PLCL2: variants seen among roughly 807,000 people sequenced by gnomAD.
PLCL2 encodes inactive phospholipase C-like protein 2.
A neutral mutation model predicts 79.6 loss-of-function variants in PLCL2; 4 were observed. That is an observed-to-expected ratio of 0.05 (90% confidence interval 0.02 to 0.11). PLCL2 has a LOEUF of 0.11. Ranked by LOEUF, PLCL2 falls within the 10% of genes least tolerant of loss-of-function variation. PLCL2 has a pLI of 1.00. For missense variants in PLCL2, 895 were observed against 1,291.0 expected, an observed-to-expected ratio of 0.69 and a Z score of 4.70; for synonymous variants, 484 against 457.7, an observed-to-expected ratio of 1.06 and a Z score of -0.73.
chr3:17,016,625 A>T (rs2064387588), intron 3 of PLCL2, among the ~76,000 whole-genome samples: 1 of 152,234 alleles, frequency 6.6e-6, no homozygotes, highest in African/African-American at 2.4e-5. Context: ...ACATCAACAC[A>T]GGAAGCATGC....
At chr3:17,032,015 C>CT (rs2064588954) in intron 3 of PLCL2, among the ~76,000 whole-genome samples, 4 of 149,878 alleles carry the variant, frequency 2.7e-5, no homozygotes, top group African/African-American at 9.8e-5. Context: ...AAACTCCTTC[C>CT]ATTTTTTGAA....
chr3:17,072,496 C>T (rs894579267), intron 5 of PLCL2, among the ~76,000 whole-genome samples: 1 of 151,908 alleles, frequency 6.6e-6, no homozygotes, highest in African/African-American at 2.4e-5. Context: ...TGACGAAACC[C>T]CGTCTCTACT....
intron 1 of PLCL2, among the ~76,000 whole-genome samples, chr3:17,004,541 C>CATTTT (rs2064242159): frequency 6.6e-6 from 1 of 152,086 alleles, no homozygotes. Context: ...TTTTTCATTT[C>CATTTT]ATTTTATTTT....
At chr3:16,956,103 T>C (rs2063702356) in intron 1 of PLCL2, among the ~76,000 whole-genome samples, 1 of 152,174 alleles carries the variant, frequency 6.6e-6, no homozygotes, top group African/African-American at 2.4e-5. Flanking sequence ...GCCTGTCTTG[T>C]GCCAGTTTTC....
rs534480966 is a variant in PLCL2 at position 16,969,372 on chromosome 3, T to A, written c.328-40302T>A. ...ATTGAGCTGTGAATCTCTCTGGTCC[T>A]GGGCTTTTTCTAGTTCGTAGGCTTT... On this transcript the variant is annotated intron_variant, in intron 1 of 5. Coordinates refer to ENST00000615277, the MANE Select transcript of PLCL2 (RefSeq NM_001144382.2). 1.1e-3 allele frequency among the ~76,000 whole-genome samples: 171 copies of A among 152,254 alleles called. 1 individual carries two copies. Among genetic ancestry groups the A allele is most frequent in the African/African-American group, 3.7e-3 (154 of 41,560 alleles).
At position 16,896,411 on chromosome 3, in the gene PLCL2, C is replaced by G. The variant is rs1696481379; in HGVS notation, c.327+11045C>G. ...GCTGGGCCTGGGTGGAAAGTTGACA[C>G]ATTAGTGAAGAGTGTGTTGGTCACT... On this transcript the variant is annotated intron_variant, in intron 1 of 5. Transcript: ENST00000615277. Among the ~76,000 whole-genome samples the G allele has an allele frequency of 1.3e-5, 2 of 152,156 alleles. 1 individual carries two copies. The highest frequency in any genetic ancestry group is 4.1e-4 in the South Asian group (2 of 4,832).
Position 16,990,589 on chromosome 3 carries a change from CAGTA to C in PLCL2, c.328-19078_328-19075del, listed in dbSNP as rs143523778. ...CTCCTTTTTGCCTTTCCAGTAATTCCAGTAAGTAAGACTCGAGGACTTGTAATGT... is the reference window on the plus strand; with the variant it reads ...CTCCTTTTTGCCTTTCCAGTAATTCCAGTAAGACTCGAGGACTTGTAATGT... On this transcript the variant is annotated intron_variant, in intron 1 of 5. Coordinates refer to ENST00000615277, the MANE Select transcript of PLCL2 (RefSeq NM_001144382.2). Among the ~76,000 whole-genome samples the C allele has an allele frequency of 5.3e-5, 8 of 152,242 alleles. No individual in the cohort carries two copies. In the East Asian group the frequency reaches 9.7e-4, roughly 18 times the overall value.
intron 1 of PLCL2, among the ~76,000 whole-genome samples, chr3:16,911,460 T>C: frequency 6.6e-6 from 1 of 152,156 alleles, no homozygotes; most frequent in Non-Finnish European, 1.5e-5. Context: ...CAGAGTATCT[T>C]TAGAATTTAC....
chr3:17,011,573 A>G lies in PLCL2; in HGVS notation c.2227A>G (p.Asn743Asp). Reference sequence around the variant, plus strand: ...GGAGGAGGTCTCCTTCTTCAGCGCCAATACAAAAGACTCTGTCCCAGGGGT... The same window carrying G: ...GGAGGAGGTCTCCTTCTTCAGCGCCGATACAAAAGACTCTGTCCCAGGGGT... ...MREEVSFFSA[N>D]TKDSVPGVSP... Residue 743 changes from asparagine to aspartate, a missense_variant, in exon 2 of 6, where the codon AAT (asparagine) becomes GAT (aspartate). Asn to Asp is a conservative substitution (Grantham distance 23, BLOSUM62 1). This residue lies in a region of PLCL2 where 23 missense variants were observed against 86.9 expected (regional missense o/e 0.26). Transcript: ENST00000615277. This position sits in a 1 kb window ranked among gnomAD's most constrained non-coding sequence, Gnocchi z 7.9. 1 of 1,614,100 alleles carries G rather than the reference A, an allele frequency of 6.2e-7. No homozygotes were observed. Among genetic ancestry groups the G allele is most frequent in the Non-Finnish European group, 8.5e-7 (1 of 1,180,002 alleles).
rs140910827 is a variant in PLCL2 at position 17,015,607 on chromosome 3, A to C, written c.3018+696A>C. ...AGTTGAAGCTGTCATTGACTCTTCAACCTATCAGGGTTAAGGGTTGGTGTT... is the reference window on the plus strand; with the variant it reads ...AGTTGAAGCTGTCATTGACTCTTCACCCTATCAGGGTTAAGGGTTGGTGTT... On this transcript the variant is annotated intron_variant, in intron 3 of 5. Transcript: ENST00000615277. 4.6e-5 allele frequency among the ~76,000 whole-genome samples: 7 copies of C among 152,144 alleles called. No individual in the cohort carries two copies. The East Asian group carries it at 1.3e-3, about 29-fold the overall frequency.
intron 5 of PLCL2, among the ~76,000 whole-genome samples, chr3:17,088,433 G>A (rs1029414802): frequency 6.6e-6 from 1 of 151,974 alleles, no homozygotes; most frequent in Non-Finnish European, 1.5e-5. Context: ...AAGGGGATGG[G>A]AAAAAATAGC....
chr3:17,009,592 G>T lies in PLCL2; in HGVS notation c.328-82G>T. 1 of 711,828 alleles carries T rather than the reference G, an allele frequency of 1.4e-6. No individual in the cohort carries two copies. Among genetic ancestry groups the T allele is most frequent in the Non-Finnish European group, 2.2e-6 (1 of 447,300 alleles). The allele number at this position is 711,828 out of a possible 1,614,324, so 44.1% of individuals were successfully genotyped here. On this transcript the variant is annotated intron_variant, in intron 1 of 5. Transcript: ENST00000615277. This position sits in a 1 kb window ranked among gnomAD's most constrained non-coding sequence, Gnocchi z 4.0. ...TCTTAATAGTATGATTTTTTTCTAGGAAATTAAATTTCTATTCATAATCTT... is the reference window on the plus strand; with the variant it reads ...TCTTAATAGTATGATTTTTTTCTAGTAAATTAAATTTCTATTCATAATCTT...
intron 5 of PLCL2, among the ~76,000 whole-genome samples, chr3:17,078,231 T>C (rs1292987465): frequency 6.6e-6 from 1 of 152,194 alleles, no homozygotes; most frequent in Non-Finnish European, 1.5e-5. Flanking sequence ...GGTTATCTAT[T>C]GCTGTATAAC....
chr3:16,923,719 C>T lies in PLCL2; in HGVS notation c.327+38353C>T, dbSNP rs7625827. ...TCAAATATTCTTTCTGTGCCTTCCTCTCCTTTCATTGTGGAACTCCTATTA... is the reference window on the plus strand; with the variant it reads ...TCAAATATTCTTTCTGTGCCTTCCTTTCCTTTCATTGTGGAACTCCTATTA... On this transcript the variant is annotated intron_variant, in intron 1 of 5. Coordinates refer to ENST00000615277, the MANE Select transcript of PLCL2 (RefSeq NM_001144382.2). Among the ~76,000 whole-genome samples the T allele has an allele frequency of 7.7e-3, 1,177 of 152,234 alleles. 16 individuals are homozygous for T. The highest frequency in any genetic ancestry group is 0.027 in the African/African-American group (1,101 of 41,532).
chr3:17,035,776 C>A lies in PLCL2; in HGVS notation c.3019-7098C>A, dbSNP rs17272796. 4 of 515,206 alleles carry A rather than the reference C, an allele frequency of 7.8e-6. No homozygotes were observed. In the Admixed American group the frequency reaches 7.8e-5, roughly 10 times the overall value. 31.9% of individuals were successfully genotyped at this position (515,206 alleles called of 1,614,324 possible). ...CCATGTTTCCTTACATTCTCTAATA[C>A]GAGTTGAGGTGCCTAGAAAGCTTAA... On this transcript the variant is annotated intron_variant, in intron 3 of 5. Transcript: ENST00000615277.
At position 17,012,790 on chromosome 3, in the gene PLCL2, A is replaced by C. The variant is rs79101492; in HGVS notation, c.2814+630A>C. ...ACATATTTAATTAAGGATCGCCCAC[A>C]CATCTAGCCATACGCTAGGACCCCT... On this transcript the variant is annotated intron_variant, in intron 2 of 5. Coordinates refer to ENST00000615277, the MANE Select transcript of PLCL2 (RefSeq NM_001144382.2). Among the ~76,000 whole-genome samples, 1,500 of 152,310 alleles carry C rather than the reference A, an allele frequency of 9.8e-3. 28 individuals are homozygous for C. The highest frequency in any genetic ancestry group is 0.033 in the African/African-American group (1,386 of 41,570).
intron 1 of PLCL2, among the ~76,000 whole-genome samples, chr3:16,905,191 A>G (rs555065209): frequency 6.6e-6 from 1 of 152,194 alleles, no homozygotes; most frequent in Admixed American, 6.5e-5. Flanking sequence ...TTGCCACAGA[A>G]GGCCCCAGGG....
chr3:16,925,765 A>G (rs1036717985), intron 1 of PLCL2, among the ~76,000 whole-genome samples: 1 of 152,224 alleles, frequency 6.6e-6, no homozygotes, highest in African/African-American at 2.4e-5. Context: ...CAGTTTATCC[A>G]TTCATCAGTT....
intron 4 of PLCL2, among the ~76,000 whole-genome samples, chr3:17,053,750 A>T (rs1177842735): frequency 1.3e-5 from 2 of 152,178 alleles, no homozygotes; most frequent in Non-Finnish European, 2.9e-5. Flanking sequence ...GCCAAAAGAA[A>T]GGGACTACAG....
Sources: allele counts gnomAD v4.1 joint callset (sites outside exome capture counted in the v4.1 genomes callset), GRCh38; gene constraint gnomAD v4.1.1; regional missense constraint gnomAD v4.1.1; non-coding constraint Gnocchi (gnomAD v3.1); transcripts MANE v1.5; gene names NCBI Gene and HGNC (gene_info 2026-07-23, HGNC 2026-07-21).